Variants in MERTK observed in about 807,000 individuals in gnomAD.
MERTK encodes the protein tyrosine-protein kinase Mer.
A neutral mutation model predicts 99.3 loss-of-function variants in MERTK; 69 were observed. That is an observed-to-expected ratio of 0.70 (90% CI 0.57 to 0.85). The LOEUF (loss-of-function observed/expected upper bound fraction) is 0.85. MERTK is among the 40% of genes least tolerant of loss of function. The probability of loss-of-function intolerance (pLI) is 0.00; values close to 1 mark genes in which losing one functional copy is unlikely to be tolerated. For missense variants in MERTK, 1,125 were observed against 1,249.4 expected (o/e 0.90, Z 1.50); for synonymous variants, 426 against 467.6 (o/e 0.91, Z 1.15).
In MERTK at chr2:111,959,446, A is replaced by T. The variant is rs1230315718; in HGVS notation, c.758-5745A>T. Among the ~76,000 whole-genome samples, 5 of 150,970 alleles carry T rather than the reference A, an allele frequency of 3.3e-5. No homozygotes were observed. In the East Asian group the frequency reaches 7.7e-4, roughly 23 times the overall value. ...CAGTTCTCAATGCTTTGGTCTCAAG[A>T]TCCTTCGTTTGTTTGTTTGTTTGTT... On this transcript the variant is annotated intron_variant, in intron 4 of 18. Coordinates refer to ENST00000295408, the MANE Select transcript of MERTK (RefSeq NM_006343.3).
chr2:112,029,427 T>C lies in MERTK; in HGVS notation c.*563T>C. The C allele has an allele frequency of 1.3e-6, 1 of 774,274 alleles. No individual in the cohort carries two copies. Among genetic ancestry groups the C allele is most frequent in the Non-Finnish European group, 1.6e-6 (1 of 637,070 alleles). 48.0% of individuals were successfully genotyped at this position (774,274 alleles called of 1,614,324 possible). A position where few individuals can be genotyped will look rare whatever the true frequency, so the allele number is the denominator to read the frequency against. On this transcript the variant is annotated 3_prime_UTR_variant, in exon 19 of 19. Transcript: ENST00000295408. The stretch of plus-strand genomic sequence containing the variant: ...GTGGTCGGCAGCGGCCTTGTGGCCT[T>C]TGCAAAGGAATTCCCTTAATGCCTG...
chr2:111,948,148 T>C (rs929817984), intron 4 of MERTK, among the ~76,000 whole-genome samples: 15 of 152,150 alleles, frequency 9.9e-5, no homozygotes, highest in Admixed American at 6.5e-5. Context: ...GCTCCTCTCA[T>C]TGCATCTTTC....
At chr2:111,916,666 G>A (rs1215215483) in intron 1 of MERTK, among the ~76,000 whole-genome samples, 1 of 151,998 alleles carries the variant, frequency 6.6e-6, no homozygotes, top group African/African-American at 2.4e-5. Context: ...ATATTTTTAT[G>A]ATTGCTTCTT....
intron 1 of MERTK, among the ~76,000 whole-genome samples, chr2:111,922,450 A>G (rs889911577): frequency 6.6e-6 from 1 of 152,152 alleles, no homozygotes; most frequent in Non-Finnish European, 1.5e-5. Flanking sequence ...CCTCTCACTC[A>G]TGGCTGGCAA....
At chr2:112,012,880 T>C (rs1677134997) in intron 15 of MERTK, among the ~76,000 whole-genome samples, 1 of 152,152 alleles carries the variant, frequency 6.6e-6, no homozygotes, top group Non-Finnish European at 1.5e-5. Flanking sequence ...CAGCCCTTTA[T>C]TTAAAATTTG....
intron 1 of MERTK, among the ~76,000 whole-genome samples, chr2:111,911,013 G>A (rs1684237461): frequency 6.6e-6 from 1 of 152,124 alleles, no homozygotes; most frequent in South Asian, 2.1e-4. Flanking sequence ...TTTTAAAAAA[G>A]AAGGTGATAA....
chr2:112,022,508 G>A (rs1355213228), intron 18 of MERTK, 114 bp downstream of exon 18: 2 of 1,515,356 alleles, frequency 1.3e-6, no homozygotes, highest in Non-Finnish European at 1.8e-6. Context: ...TTAGCCAGGT[G>A]GGCATGTGCA....
intron 6 of MERTK, among the ~76,000 whole-genome samples, chr2:111,973,589 T>G (rs920243238): frequency 2.3e-4 from 35 of 152,276 alleles, no homozygotes; most frequent in African/African-American, 8.2e-4. Flanking sequence ...AGCCCAGAAC[T>G]GCAAGCCCAT....
chr2:111,960,494 A>G (rs1356694769), intron 4 of MERTK, among the ~76,000 whole-genome samples: 1 of 150,124 alleles, frequency 6.7e-6, no homozygotes, highest in African/African-American at 2.4e-5. Flanking sequence ...AAAAAAAAAA[A>G]AAAAAAAGAA....
In MERTK at chr2:111,926,079, C is replaced by T. The variant is rs181184665; in HGVS notation, c.62-3041C>T. Among the ~76,000 whole-genome samples the T allele has an allele frequency of 1.6e-3, 250 of 152,124 alleles. 1 individual carries two copies. The highest frequency in any genetic ancestry group is 4.8e-3 in the African/African-American group (199 of 41,520). ...ATCTCCTGACCTCGTGATCCGCCTG[C>T]CTTGGCCTCCCAAAGTGCTGGGATT... On this transcript the variant is annotated intron_variant, in intron 1 of 18. Coordinates refer to ENST00000295408, the MANE Select transcript of MERTK (RefSeq NM_006343.3).
intron 2 of MERTK, among the ~76,000 whole-genome samples, chr2:111,930,713 A>T (rs1684655132): frequency 6.6e-6 from 1 of 152,150 alleles, no homozygotes; most frequent in African/African-American, 2.4e-5. Context: ...TGTGTGTGAC[A>T]GGGATAAGCT....
chr2:111,992,209 G>A (rs531378064), intron 8 of MERTK, among the ~76,000 whole-genome samples: 123 of 152,134 alleles, frequency 8.1e-4, no homozygotes, highest in African/African-American at 2.8e-3. Context: ...GGGTTTCCTC[G>A]CTCAGTCTAA....
At chr2:111,918,271 T>A (rs1200572240) in intron 1 of MERTK, among the ~76,000 whole-genome samples, 1 of 152,248 alleles carries the variant, frequency 6.6e-6, no homozygotes, top group African/African-American at 2.4e-5. Flanking sequence ...AACAAACTTC[T>A]TGCTAACAGG....
At chr2:111,970,798 TCCC>T (rs1244275514) in intron 6 of MERTK, among the ~76,000 whole-genome samples, 1,185 of 17,118 alleles carry the variant, frequency 0.069, 107 homozygotes, top group African/African-American at 0.19. Flanking sequence ...CTCCTCCTCC[TCCC>T]CCCTCCTCCT....
chr2:111,973,276 T>G (rs1044367799), intron 6 of MERTK, among the ~76,000 whole-genome samples: 1 of 152,088 alleles, frequency 6.6e-6, no homozygotes, highest in Non-Finnish European at 1.5e-5. Context: ...TCCTCCACCT[T>G]CGCTTTGGTG....
At position 111,968,379 on chromosome 2, in the gene MERTK, C is replaced by G. The variant is rs1164348571; in HGVS notation, c.960+127C>G. ...CTCTGTACAGAGTCCCCTGACCTCC[C>G]TGCTTCAGTGTCCAGCATGCATGCA... On this transcript the variant is annotated intron_variant, in intron 6 of 18. Transcript: ENST00000295408. 4 of 748,156 alleles carry G rather than the reference C, an allele frequency of 5.3e-6. No individual in the cohort carries two copies. In the Admixed American group the frequency reaches 6.0e-5, roughly 11 times the overall value. The allele number at this position is 748,156 out of a possible 1,614,324, so 46.3% of individuals were successfully genotyped here. A position where few individuals can be genotyped will look rare whatever the true frequency, so the allele number is the denominator to read the frequency against.
Position 111,945,492 on chromosome 2 carries a change from C to T in MERTK, c.583+432C>T, listed in dbSNP as rs116817011. On this transcript the variant is annotated intron_variant, in intron 3 of 18. Transcript: ENST00000295408. ...GTCTTGCCTATGCAGACAGTGAAAC[C>T]CTGGAGGGTGAGTGGTTTTCCTCGA... Among the ~76,000 whole-genome samples, 434 of 152,296 alleles carry T rather than the reference C, an allele frequency of 2.8e-3. 2 individuals carry two copies. Among genetic ancestry groups the T allele is most frequent in the African/African-American group, 1.0e-2 (415 of 41,546 alleles).
intron 13 of MERTK, among the ~76,000 whole-genome samples, chr2:112,004,392 A>G (rs376377538): frequency 6.6e-6 from 1 of 152,252 alleles, no homozygotes; most frequent in African/African-American, 2.4e-5. Context: ...TGGTGGGGCC[A>G]CTTCCTCATT....
At chr2:111,922,940 C>G (rs919985783) in intron 1 of MERTK, among the ~76,000 whole-genome samples, 1 of 152,168 alleles carries the variant, frequency 6.6e-6, no homozygotes, top group Non-Finnish European at 1.5e-5. Context: ...CCCTAATGAA[C>G]GAATTTTGAG....
Sources: allele counts gnomAD v4.1 joint callset (sites outside exome capture counted in the v4.1 genomes callset), GRCh38; gene constraint gnomAD v4.1.1; transcripts MANE v1.5; gene names NCBI Gene and HGNC (gene_info 2026-07-23, HGNC 2026-07-21).